FHIT: variants seen among roughly 807,000 people sequenced by gnomAD.
FHIT encodes the protein fragile histidine triad diadenosine triphosphatase.
A neutral mutation model predicts 17.9 loss-of-function variants in FHIT; 19 were observed. The observed-to-expected ratio is 1.06, with a 90% confidence interval of 0.74 to 1.56. FHIT has a LOEUF of 1.56. Ranked by LOEUF, FHIT falls within the 40% of genes most tolerant of loss-of-function variation. FHIT has a pLI of 0.00. For synonymous variants in FHIT, 81 were observed against 69.7 expected, an observed-to-expected ratio of 1.16 and a Z score of -0.81; for missense variants, 248 against 189.2, an observed-to-expected ratio of 1.31 and a Z score of -1.82.
chr3:60,714,667 G>A (rs1489839319), intron 4 of FHIT, among the ~76,000 whole-genome samples: 2 of 152,136 alleles, frequency 1.3e-5, no homozygotes, highest in East Asian at 1.9e-4. Context: ...CAAATCATGA[G>A]TGAACTCCCA....
chr3:60,090,912 A>T (rs540229018), intron 5 of FHIT, among the ~76,000 whole-genome samples: 2 of 152,176 alleles, frequency 1.3e-5, no homozygotes, highest in African/African-American at 4.8e-5. Context: ...TCAAGGAGCA[A>T]AGCAAGTTGA....
intron 2 of FHIT, among the ~76,000 whole-genome samples, chr3:61,161,424 G>C (rs540645077): frequency 6.6e-6 from 1 of 151,990 alleles, no homozygotes; most frequent in Non-Finnish European, 1.5e-5. Flanking sequence ...GGATGGTCTC[G>C]ATCTCCTGAT....
At chr3:60,513,127 A>T (rs1240572410) in intron 5 of FHIT, among the ~76,000 whole-genome samples, 1 of 152,204 alleles carries the variant, frequency 6.6e-6, no homozygotes, top group Non-Finnish European at 1.5e-5. Flanking sequence ...GCATCCTAAC[A>T]TCTGCAGCAG....
chr3:60,835,012 C>T (rs1212058562), intron 3 of FHIT, among the ~76,000 whole-genome samples: 3 of 151,922 alleles, frequency 2.0e-5, no homozygotes, highest in Non-Finnish European at 2.9e-5. Context: ...AGAACTCTTT[C>T]CCTAGCCAGA....
chr3:60,966,119 C>T (rs889905513), intron 3 of FHIT, among the ~76,000 whole-genome samples: 4 of 152,150 alleles, frequency 2.6e-5, no homozygotes, highest in South Asian at 4.1e-4. Context: ...TTTGTTTACC[C>T]ACTCAAGCCT....
intron 4 of FHIT, among the ~76,000 whole-genome samples, chr3:60,726,330 T>C (rs2041915994): frequency 6.6e-6 from 1 of 152,200 alleles, no homozygotes; most frequent in South Asian, 2.1e-4. Flanking sequence ...ATGAAGTCAA[T>C]TACTTCCAAT....
chr3:60,604,774 C>G (rs1001414469), intron 4 of FHIT, among the ~76,000 whole-genome samples: 12 of 152,202 alleles, frequency 7.9e-5, no homozygotes, highest in African/African-American at 2.6e-4. Flanking sequence ...TTACTATTGC[C>G]CAGGAATCTT....
At chr3:61,168,157 C>T (rs567641265) in intron 2 of FHIT, among the ~76,000 whole-genome samples, 1 of 152,230 alleles carries the variant, frequency 6.6e-6, no homozygotes, top group East Asian at 1.9e-4. Flanking sequence ...ACTCAGATTT[C>T]CATACCAATA....
intron 5 of FHIT, among the ~76,000 whole-genome samples, chr3:60,151,365 TATC>T (rs1700455657): frequency 6.6e-6 from 1 of 152,182 alleles, no homozygotes; most frequent in South Asian, 2.1e-4. Context: ...TTCACACCAT[TATC>T]ATCAAGTTGA....
intron 4 of FHIT, among the ~76,000 whole-genome samples, chr3:60,633,764 G>A (rs1233284147): frequency 1.3e-5 from 2 of 152,150 alleles, no homozygotes; most frequent in African/African-American, 2.4e-5. Context: ...TTGGGCAAGC[G>A]AGGAGAAAGC....
At chr3:60,151,698 G>C (rs141346395) in intron 5 of FHIT, among the ~76,000 whole-genome samples, 2 of 151,872 alleles carry the variant, frequency 1.3e-5, no homozygotes, top group Non-Finnish European at 2.9e-5. Context: ...TTCTCTCCTC[G>C]GGGGCTTTAA....
intron 5 of FHIT, among the ~76,000 whole-genome samples, chr3:60,050,906 G>C (rs949507392): frequency 6.6e-6 from 1 of 152,140 alleles, no homozygotes; most frequent in African/African-American, 2.4e-5. Context: ...CTCTAAAGAG[G>C]CCTCCATTAA....
intron 5 of FHIT, among the ~76,000 whole-genome samples, chr3:60,375,048 G>T (rs551991179): frequency 6.7e-6 from 1 of 149,752 alleles, no homozygotes; most frequent in Non-Finnish European, 1.5e-5. Context: ...AGAAGAGGGA[G>T]AGAAAAATGG....
At chr3:59,986,605 G>T (rs1222158811) in intron 7 of FHIT, among the ~76,000 whole-genome samples, 1 of 68,366 alleles carries the variant, frequency 1.5e-5, no homozygotes, top group Non-Finnish European at 2.5e-5. Flanking sequence ...ACATATATAT[G>T]TGTACATATA....
intron 4 of FHIT, among the ~76,000 whole-genome samples, chr3:60,676,859 T>A (rs1553695513): frequency 6.6e-6 from 1 of 151,496 alleles, no homozygotes; most frequent in African/African-American, 2.4e-5. Flanking sequence ...GCATAATTTT[T>A]TCTTTTGTTG....
chr3:60,898,088 T>C (rs1705922992), intron 3 of FHIT, among the ~76,000 whole-genome samples: 1 of 152,152 alleles, frequency 6.6e-6, no homozygotes, highest in African/African-American at 2.4e-5. Flanking sequence ...ATTTAAAAAC[T>C]CTCTTCTTTT....
chr3:60,329,771 C>T (rs1389305551), intron 5 of FHIT, among the ~76,000 whole-genome samples: 1 of 152,202 alleles, frequency 6.6e-6, no homozygotes, highest in Non-Finnish European at 1.5e-5. Context: ...ATGTCACCTC[C>T]TGTGAGACCC....
At chr3:60,742,965 C>T (rs546358336) in intron 4 of FHIT, among the ~76,000 whole-genome samples, 2 of 152,342 alleles carry the variant, frequency 1.3e-5, no homozygotes, top group East Asian at 1.9e-4. Flanking sequence ...CAAAGGTCTG[C>T]CCTGAAGGCA....
intron 4 of FHIT, among the ~76,000 whole-genome samples, chr3:60,539,506 C>A (rs1000365588): frequency 1.3e-5 from 2 of 152,042 alleles, no homozygotes; most frequent in South Asian, 2.1e-4. Context: ...ATGTTTATTG[C>A]GGCACTATTC....
Sources: gnomAD v4.1 joint callset for allele counts (sites outside exome capture counted in the v4.1 genomes callset) on GRCh38, gnomAD v4.1.1 for gene constraint, MANE v1.5 for transcripts, NCBI Gene and HGNC (gene_info 2026-07-23, HGNC 2026-07-21) for gene names.